The following KLHL12 variants were observed in gnomAD, a reference collection of about 807,000 sequenced individuals.
The protein encoded by KLHL12 is kelch like family member 12.
Under a neutral mutation model 60.8 loss-of-function variants are expected in KLHL12, and 17 were observed. That is an observed-to-expected ratio of 0.28 (90% CI 0.19 to 0.42). The LOEUF is 0.42. Among genes scored for constraint, KLHL12 ranks in the 10% least tolerant of loss-of-function variants. KLHL12 has a pLI of 1.00. For synonymous variants in KLHL12, 220 were observed against 250.9 expected (o/e 0.88, Z 1.16); for missense variants, 468 against 722.3 (o/e 0.65, Z 4.04).
intron 4 of KLHL12, among the ~76,000 whole-genome samples, chr1:202,917,118 T>G (rs749024855): frequency 4.6e-5 from 7 of 152,172 alleles, no homozygotes; most frequent in Non-Finnish European, 8.8e-5. Flanking sequence ...CTACTGGTAC[T>G]CTGATTTAGA....
intron 1 of KLHL12, among the ~76,000 whole-genome samples, chr1:202,926,104 C>CAAA (rs368473168): frequency 3.4e-5 from 2 of 59,512 alleles, no homozygotes; most frequent in Non-Finnish European, 7.6e-5. Flanking sequence ...GACTCTGTCT[C>CAAA]AAAAAAAAAA....
At chr1:202,908,941 T>C in intron 6 of KLHL12, 69 bp downstream of exon 6, 1 of 976,176 alleles carries the variant, frequency 1.0e-6, no homozygotes, top group Non-Finnish European at 1.7e-6. Context: ...AGTATTATTT[T>C]CAACTATGTT....
At position 202,891,676 on chromosome 1, in the gene KLHL12, G is replaced by C. The variant is rs953431609; in HGVS notation, c.*857C>G. ...CTAGATGAGCCCTGGCAGGTAATAA[G>C]ATGACTGTAAAATCACAGGTTCTTC... On this transcript the variant is annotated 3_prime_UTR_variant, in exon 12 of 12. Transcript: ENST00000367261. 2.0e-5 allele frequency: 3 copies of C among 152,202 alleles called. No homozygotes were observed. Among genetic ancestry groups the C allele is most frequent in the African/African-American group, 7.2e-5 (3 of 41,450 alleles). The allele number at this position is 152,202 out of a possible 1,614,324, so 9.4% of individuals were successfully genotyped here.
rs115246010 is a variant in KLHL12 at position 202,918,288 on chromosome 1, C to A, written c.450G>T (p.Leu150=). 2.8e-5 allele frequency: 46 copies of A among 1,614,160 alleles called. No homozygotes were observed. The East Asian group carries it at 8.2e-4, about 29-fold the overall frequency. The change falls in exon 4 of 12, where the codon CTG becomes CTT. Residue 150 remains leucine (L), a synonymous_variant. Transcript: ENST00000367261. ...GGCTAAAAACCTCAGCTGCTTGCAT[C>A]AGGTCAACACAATTGTGGGTTTCAG... is the stretch of plus-strand genomic sequence containing the variant. ...DFAETHNCVD[L]MQAAEVFSQK...
upstream of KLHL12, chr1:202,928,379 G>T: frequency 1.8e-6 from 1 of 561,226 alleles, no homozygotes. Flanking sequence ...CTCGGCGATT[G>T]GCTGAGCCTG....
At chr1:202,919,552 C>A (rs755045797) in intron 3 of KLHL12, among the ~76,000 whole-genome samples, 8 of 151,946 alleles carry the variant, frequency 5.3e-5, no homozygotes, top group Non-Finnish European at 1.0e-4. Context: ...TTTTATAGAG[C>A]CAAATACTCA....
chr1:202,905,968 CTTTTTT>C (rs71142574), intron 6 of KLHL12, among the ~76,000 whole-genome samples: 12 of 51,672 alleles, frequency 2.3e-4, no homozygotes, highest in South Asian at 2.6e-3. Flanking sequence ...CCACACCTGG[CTTTTTT>C]TTTTTTTTTT....
chr1:202,914,459 A>G lies in KLHL12; in HGVS notation c.568-3256T>C, dbSNP rs76538156. On this transcript the variant is annotated intron_variant, in intron 4 of 11. Transcript: ENST00000367261. ...TAAAACTTTTATATGATTGGAAAAT[A>G]GTTTTAAGCAGATACATGATAGACT... Among the ~76,000 whole-genome samples the G allele has an allele frequency of 1.2e-3, 188 of 152,364 alleles. No individual in the cohort carries two copies. The East Asian group carries it at 0.027, about 22-fold the overall frequency.
chr1:202,923,783 T>C (rs1442245062), intron 2 of KLHL12, among the ~76,000 whole-genome samples: 1 of 151,866 alleles, frequency 6.6e-6, no homozygotes, highest in Non-Finnish European at 1.5e-5. Context: ...CCATAAAAGG[T>C]AGTTATTACC....
chr1:202,913,676 G>T (rs184831901), intron 4 of KLHL12, among the ~76,000 whole-genome samples: 85 of 152,222 alleles, frequency 5.6e-4, no homozygotes, highest in Non-Finnish European at 9.6e-4. Flanking sequence ...AGTTTAGACT[G>T]GTGAGGCAAG....
Position 202,892,347 on chromosome 1 carries a change from C to A in KLHL12, c.*186G>T. 3 of 575,262 alleles carry A rather than the reference C, an allele frequency of 5.2e-6. No individual in the cohort carries two copies. The highest frequency in any genetic ancestry group is 8.9e-6 in the Non-Finnish European group (3 of 338,024). The allele number at this position is 575,262 out of a possible 1,614,324, so 35.6% of individuals were successfully genotyped here. On this transcript the variant is annotated 3_prime_UTR_variant, in exon 12 of 12. Coordinates refer to ENST00000367261, the MANE Select transcript of KLHL12 (RefSeq NM_021633.4). Reference sequence around the variant, plus strand: ...TTTTCCTGGAATATCTGTTACCCACCCTTCTCAGGAACAAGAACCAGGACG... The same window carrying A: ...TTTTCCTGGAATATCTGTTACCCACACTTCTCAGGAACAAGAACCAGGACG...
rs900974789 is a variant in KLHL12, at chr1:202,901,782, T to C, written c.833-4822A>G. Among the ~76,000 whole-genome samples the C allele has an allele frequency of 5.9e-5, 9 of 152,200 alleles. No individual in the cohort carries two copies. In the South Asian group the frequency reaches 6.2e-4, roughly 11 times the overall value. On this transcript the variant is annotated intron_variant, in intron 6 of 11. Transcript: ENST00000367261. ...AACTGCCAACAGAGCTTTTGATAAC[T>C]ATGAGAGCAACAGTGTTTCACACTG...
intron 6 of KLHL12, among the ~76,000 whole-genome samples, chr1:202,898,121 C>T (rs1010481648): frequency 6.6e-6 from 1 of 152,166 alleles, no homozygotes; most frequent in Admixed American, 6.5e-5. Flanking sequence ...CCAGGCTGGT[C>T]TCAAACTCCC....
At chr1:202,898,497 G>A (rs1344800911) in intron 6 of KLHL12, among the ~76,000 whole-genome samples, 1 of 152,190 alleles carries the variant, frequency 6.6e-6, no homozygotes, top group Non-Finnish European at 1.5e-5. Context: ...GAGACATTGA[G>A]TGCTTCCTAA....
At chr1:202,917,497 A>G (rs1660558657) in intron 4 of KLHL12, among the ~76,000 whole-genome samples, 1 of 152,230 alleles carries the variant, frequency 6.6e-6, no homozygotes, top group Non-Finnish European at 1.5e-5. Context: ...GGCATAGGCC[A>G]CTGCACCTGG....
At chr1:202,906,256 C>T (rs1472307992) in intron 6 of KLHL12, among the ~76,000 whole-genome samples, 1 of 149,764 alleles carries the variant, frequency 6.7e-6, no homozygotes, top group Non-Finnish European at 1.5e-5. Flanking sequence ...AGTCCGAGAC[C>T]AGCCTGGCCA....
At chr1:202,912,126 G>A (rs1222212710) in intron 4 of KLHL12, 2 of 847,132 alleles carry the variant, frequency 2.4e-6, no homozygotes, top group Admixed American at 3.4e-5. Flanking sequence ...ACTTAACTGT[G>A]AAAAAGATAT....
chr1:202,914,614 T>C (rs1465313445), intron 4 of KLHL12, among the ~76,000 whole-genome samples: 2 of 152,150 alleles, frequency 1.3e-5, no homozygotes, highest in Admixed American at 1.3e-4. Context: ...ACGCCTGTAA[T>C]CTCAGCACTT....
chr1:202,904,619 A>C (rs1307760329), intron 6 of KLHL12, among the ~76,000 whole-genome samples: 2 of 152,238 alleles, frequency 1.3e-5, no homozygotes, highest in African/African-American at 4.8e-5. Flanking sequence ...TTTAATGAGA[A>C]AAGCTTGTCT....
Sources: allele counts gnomAD v4.1 joint callset (sites outside exome capture counted in the v4.1 genomes callset), GRCh38; gene constraint gnomAD v4.1.1; transcripts MANE v1.5; gene names NCBI Gene and HGNC (gene_info 2026-07-23, HGNC 2026-07-21).